The following ERICH1 variants were observed in gnomAD, a reference collection of about 807,000 sequenced individuals.
ERICH1 encodes the protein glutamate-rich protein 1.
Under a neutral mutation model 39.6 loss-of-function variants are expected in ERICH1, and 56 were observed. The ratio of observed to expected loss-of-function variants is 1.41; its 90% CI spans 1.14 to 1.77. The LOEUF (loss-of-function observed/expected upper bound fraction) is 1.77. ERICH1 is among the 40% of genes most tolerant of loss of function. ERICH1 has a pLI of 0.00. For missense variants in ERICH1, 826 were observed against 575.4 expected (o/e 1.44, Z -4.45); for synonymous variants, 313 against 223.6 (o/e 1.40, Z -3.57).
intron 3 of ERICH1, among the ~76,000 whole-genome samples, chr8:685,145 C>T (rs1394984357): frequency 6.6e-6 from 1 of 152,138 alleles, no homozygotes; most frequent in African/African-American, 2.4e-5. Context: ...CCAGAGCGGC[C>T]ATTTTAGAGA....
chr8:630,983 T>A (rs1392312867), intron 3 of ERICH1, among the ~76,000 whole-genome samples: 2 of 130,850 alleles, frequency 1.5e-5, no homozygotes, highest in Non-Finnish European at 3.3e-5. Flanking sequence ...CAGAGCTGAC[T>A]CACAACCTCC....
intron 3 of ERICH1, among the ~76,000 whole-genome samples, chr8:622,141 G>C (rs1410043032): frequency 6.6e-6 from 1 of 152,156 alleles, no homozygotes; most frequent in Non-Finnish European, 1.5e-5. Flanking sequence ...AGGACTATTT[G>C]ATCCCAGGAG....
At chr8:727,115 C>G (rs1818948959) in intron 1 of ERICH1, among the ~76,000 whole-genome samples, 1 of 151,912 alleles carries the variant, frequency 6.6e-6, no homozygotes, top group Admixed American at 6.6e-5. Context: ...CATGCATGCA[C>G]AGATACACAC....
intron 3 of ERICH1, among the ~76,000 whole-genome samples, chr8:634,872 T>G (rs771886737): frequency 8.5e-5 from 13 of 152,204 alleles, no homozygotes; most frequent in Non-Finnish European, 1.5e-4. Context: ...ATAGCCTCTC[T>G]CCTTCCAGGA....
chr8:635,277 T>C (rs865982702), intron 3 of ERICH1, among the ~76,000 whole-genome samples: 1 of 152,128 alleles, frequency 6.6e-6, no homozygotes, highest in Non-Finnish European at 1.5e-5. Context: ...GTCAGGTCCA[T>C]AGAGAAAACA....
chr8:703,859 G>A (rs978507048), intron 2 of ERICH1, among the ~76,000 whole-genome samples: 10 of 152,324 alleles, frequency 6.6e-5, no homozygotes, highest in African/African-American at 2.4e-4. Flanking sequence ...TGAAAGCAAA[G>A]AGGAGGAAAC....
intron 2 of ERICH1, among the ~76,000 whole-genome samples, chr8:714,885 G>A (rs556002052): frequency 6.6e-6 from 1 of 152,284 alleles, no homozygotes; most frequent in Admixed American, 6.5e-5. Context: ...CTCTCGGTGG[G>A]ATGTGCTGCA....
chr8:615,035 C>T (rs992280649), exon 4 of ERICH1: 7 of 458,286 alleles, frequency 1.5e-5, no homozygotes, highest in South Asian at 4.9e-5. Flanking sequence ...TTGGAGCAGA[C>T]GTGGCTACGC....
intron 2 of ERICH1, among the ~76,000 whole-genome samples, chr8:706,416 G>C (rs2132253618): frequency 6.6e-6 from 1 of 152,232 alleles, no homozygotes; most frequent in South Asian, 2.1e-4. Context: ...AAATACTTTG[G>C]AATACACTTT....
Position 673,413 on chromosome 8 carries a change from CTCTTCCTCCCCAGCCCATGTCGGG to C in ERICH1, c.915_938del (p.Asp305_Glu312del), listed in dbSNP as rs1305684050. 1.2e-6 allele frequency: 2 copies of C among 1,613,078 alleles called. No individual in the cohort carries two copies. The highest frequency in any genetic ancestry group is 1.7e-6 in the Non-Finnish European group (2 of 1,179,858). On this transcript the variant is annotated inframe_deletion, in exon 4 of 6. Transcript: ENST00000262109. Reference sequence around the variant, plus strand: ...CGTCCTCCTCCCCGGAGTCTGCACCCTCTTCCTCCCCAGCCCATGTCGGGTCTTCCTCGCTGGCGTCCGCACCGT... The same window carrying C: ...CGTCCTCCTCCCCGGAGTCTGCACCCTCTTCCTCGCTGGCGTCCGCACCGT...
chr8:632,989 C>T (rs985557903), intron 3 of ERICH1, among the ~76,000 whole-genome samples: 10 of 152,230 alleles, frequency 6.6e-5, no homozygotes, highest in African/African-American at 9.6e-5. Context: ...GATGCCGAGA[C>T]GCAGGGAGGG....
intron 3 of ERICH1, among the ~76,000 whole-genome samples, chr8:689,713 G>A (rs1778991402): frequency 6.6e-6 from 1 of 152,198 alleles, no homozygotes; most frequent in South Asian, 2.1e-4. Flanking sequence ...GTGCTGCTGG[G>A]AAGGTGCCCA....
Position 673,821 on chromosome 8 carries a change from G to A in ERICH1, c.531C>T (p.Ala177=), listed in dbSNP as rs61743225. 1,133 of 1,614,104 alleles carry A rather than the reference G, an allele frequency of 7.0e-4. No homozygotes were observed. The highest frequency in any genetic ancestry group is 8.8e-4 in the Non-Finnish European group (1,039 of 1,180,032). The change falls in exon 4 of 6, where the codon GCC becomes GCT. Residue 177 remains alanine (A), a synonymous_variant. Coordinates refer to ENST00000262109, the MANE Select transcript of ERICH1 (RefSeq NM_207332.3). ...KKQQIKRKKA[A]GLAAKAAGVS... ...CACCAGCAGCCTTTGCTGCCAAGCC[G>A]GCTGCTTTCTTCCTTTTAATTTGCT...
chr8:650,281 G>A (rs116872372), intron 3 of ERICH1, among the ~76,000 whole-genome samples: 2,568 of 152,332 alleles, frequency 0.017, 37 homozygotes, highest in Non-Finnish European at 0.027. Context: ...GTCTGACTCC[G>A]TGGCCCCTGT....
chr8:639,787 T>C (rs1174209388), intron 3 of ERICH1, among the ~76,000 whole-genome samples: 803 of 70,844 alleles, frequency 0.011, 164 homozygotes, highest in Middle Eastern at 0.053. Context: ...TTAGCACACA[T>C]GACCGAGCAC....
rs564851704 is a variant in ERICH1 at position 680,490 on chromosome 8, G to A, written c.305-6443C>T. On this transcript the variant is annotated intron_variant, in intron 3 of 5. Coordinates refer to ENST00000262109, the MANE Select transcript of ERICH1 (RefSeq NM_207332.3). ...AGCTGCCACCCCTCCCCGAAAACACGGAAAGTCCAAGAGAATCCACAGCTG... is the reference window on the plus strand; with the variant it reads ...AGCTGCCACCCCTCCCCGAAAACACAGAAAGTCCAAGAGAATCCACAGCTG... Among the ~76,000 whole-genome samples the A allele has an allele frequency of 1.9e-4, 21 of 113,184 alleles. 1 individual carries two copies. The South Asian group carries it at 3.9e-3, about 21-fold the overall frequency. The allele number at this position is 113,184 out of a possible 152,430, so 74.3% of individuals were successfully genotyped here. A position where few individuals can be genotyped will look rare whatever the true frequency, so the allele number is the denominator to read the frequency against.
At chr8:628,905 C>T (rs1265952288) in intron 3 of ERICH1, among the ~76,000 whole-genome samples, 6 of 152,164 alleles carry the variant, frequency 3.9e-5, no homozygotes, top group African/African-American at 7.2e-5. Context: ...TCACGAACCT[C>T]GGGGTCCCAG....
chr8:618,983 T>C (rs908832244), intron 3 of ERICH1, among the ~76,000 whole-genome samples: 7 of 152,174 alleles, frequency 4.6e-5, no homozygotes, highest in Non-Finnish European at 8.8e-5. Context: ...CCTAAGGGCA[T>C]ACGCAGAATG....
At chr8:706,678 G>A (rs951555725) in intron 2 of ERICH1, among the ~76,000 whole-genome samples, 1 of 152,066 alleles carries the variant, frequency 6.6e-6, no homozygotes, top group African/African-American at 2.4e-5. Context: ...ACTCAGGCTG[G>A]AGAACTGCTT....
Sources: gnomAD v4.1 joint callset for allele counts (sites outside exome capture counted in the v4.1 genomes callset) on GRCh38, gnomAD v4.1.1 for gene constraint, MANE v1.5 for transcripts, NCBI Gene and HGNC (gene_info 2026-07-23, HGNC 2026-07-21) for gene names.